The following GABRB1 variants were observed in gnomAD, a reference collection of about 807,000 sequenced individuals.
The protein encoded by GABRB1 is gamma-aminobutyric acid type A receptor subunit beta1.
Under a neutral mutation model 51.6 loss-of-function variants are expected in GABRB1, and 17 were observed. That is an observed-to-expected ratio of 0.33 (90% CI 0.23 to 0.49). GABRB1 has a LOEUF of 0.49. Among genes scored for constraint, GABRB1 ranks in the 20% least tolerant of loss-of-function variants. GABRB1 has a pLI of 0.99. For missense variants in GABRB1, 410 were observed against 600.6 expected (o/e 0.68, Z 3.32); for synonymous variants, 247 against 218.9 (o/e 1.13, Z -1.14).
rs551889443 is a variant in GABRB1 at position 47,393,402 on chromosome 4, G to A, written c.545-9916G>A. On this transcript the variant is annotated intron_variant, in intron 5 of 8. Coordinates refer to ENST00000295454, the MANE Select transcript of GABRB1 (RefSeq NM_000812.4). ...GCTTTTTTCGAGGCGTGTGTATAGTGGAGTTTATAAAAGTCAATTAGGAGC... is the reference window on the plus strand; with the variant it reads ...GCTTTTTTCGAGGCGTGTGTATAGTAGAGTTTATAAAAGTCAATTAGGAGC... Among the ~76,000 whole-genome samples, 7 of 152,234 alleles carry A rather than the reference G, an allele frequency of 4.6e-5. No individual in the cohort carries two copies. The South Asian group carries it at 1.0e-3, about 23-fold the overall frequency.
intron 3 of GABRB1, among the ~76,000 whole-genome samples, chr4:47,157,395 A>G (rs1265589303): frequency 6.6e-6 from 1 of 152,162 alleles, no homozygotes; most frequent in Non-Finnish European, 1.5e-5. Flanking sequence ...AGCAATTTAG[A>G]GGCTTTCTTT....
intron 3 of GABRB1, among the ~76,000 whole-genome samples, chr4:47,049,341 C>T (rs1268560730): frequency 6.6e-6 from 1 of 152,122 alleles, no homozygotes; most frequent in Non-Finnish European, 1.5e-5. Flanking sequence ...GGCCGTACGT[C>T]AACAACAGAA....
intron 5 of GABRB1, among the ~76,000 whole-genome samples, chr4:47,351,372 A>T (rs1035690952): frequency 3.3e-5 from 5 of 152,166 alleles, no homozygotes; most frequent in African/African-American, 1.2e-4. Flanking sequence ...CAAATTGTTC[A>T]TTCCATTGTT....
At chr4:47,118,486 C>A (rs776355861) in intron 3 of GABRB1, among the ~76,000 whole-genome samples, 3 of 152,024 alleles carry the variant, frequency 2.0e-5, no homozygotes, top group Non-Finnish European at 4.4e-5. Context: ...TGAATTGAAA[C>A]CCTTTCAAAA....
intron 4 of GABRB1, among the ~76,000 whole-genome samples, chr4:47,253,959 C>G (rs1396968269): frequency 1.3e-5 from 2 of 152,120 alleles, no homozygotes; most frequent in Non-Finnish European, 2.9e-5. Flanking sequence ...GATAACATCT[C>G]TTTATTGAGA....
intron 4 of GABRB1, among the ~76,000 whole-genome samples, chr4:47,269,526 G>A (rs1410339656): frequency 6.6e-6 from 1 of 152,068 alleles, no homozygotes; most frequent in Non-Finnish European, 1.5e-5. Context: ...TGTGGGGGAG[G>A]GGGTAGGTTT....
At chr4:47,148,351 C>T (rs1161057743) in intron 3 of GABRB1, among the ~76,000 whole-genome samples, 1 of 151,972 alleles carries the variant, frequency 6.6e-6, no homozygotes, top group African/African-American at 2.4e-5. Context: ...GGTGCTGGGT[C>T]ATAGAAGTAA....
intron 5 of GABRB1, among the ~76,000 whole-genome samples, chr4:47,390,988 C>A (rs1221111770): frequency 6.6e-6 from 1 of 151,982 alleles, no homozygotes; most frequent in Non-Finnish European, 1.5e-5. Context: ...CCAGCCTGGC[C>A]AACATGGTGA....
intron 7 of GABRB1, among the ~76,000 whole-genome samples, chr4:47,404,966 T>C (rs1728520754): frequency 6.6e-6 from 1 of 152,210 alleles, no homozygotes; most frequent in Non-Finnish European, 1.5e-5. Flanking sequence ...TTTAAGCTAT[T>C]CTTTGGATGG....
At chr4:47,160,615 C>A (rs1717901400) in intron 3 of GABRB1, among the ~76,000 whole-genome samples, 2 of 152,002 alleles carry the variant, frequency 1.3e-5, no homozygotes, top group South Asian at 4.1e-4. Context: ...AACATAGATT[C>A]CTCTGTACAA....
At chr4:47,237,467 G>T (rs967845840) in intron 4 of GABRB1, among the ~76,000 whole-genome samples, 2 of 152,030 alleles carry the variant, frequency 1.3e-5, no homozygotes, top group African/African-American at 4.8e-5. Flanking sequence ...TATGGATAAG[G>T]TCTTTGAAAA....
intron 5 of GABRB1, among the ~76,000 whole-genome samples, chr4:47,382,832 T>C (rs1044315312): frequency 6.6e-6 from 1 of 152,148 alleles, no homozygotes; most frequent in Non-Finnish European, 1.5e-5. Context: ...ATAAACAAAA[T>C]TGGCAGCTAG....
chr4:47,014,284 A>G (rs1364240438), intron 1 of GABRB1, among the ~76,000 whole-genome samples: 1 of 152,108 alleles, frequency 6.6e-6, no homozygotes, highest in Non-Finnish European at 1.5e-5. Flanking sequence ...AAAATCTTCC[A>G]CTTTGCTTTC....
At chr4:47,406,632 G>C in intron 7 of GABRB1, 50 bp from the exon 8 acceptor site, 2 of 1,608,102 alleles carry the variant, frequency 1.2e-6, no homozygotes, top group Non-Finnish European at 1.7e-6. Flanking sequence ...TCTTGAAAAA[G>C]GAACTTAATA....
chr4:47,062,621 C>T (rs1287330565), intron 3 of GABRB1, among the ~76,000 whole-genome samples: 2 of 152,070 alleles, frequency 1.3e-5, no homozygotes, highest in African/African-American at 4.8e-5. Flanking sequence ...CTTTCCAATA[C>T]ATTCAAAAGA....
intron 3 of GABRB1, among the ~76,000 whole-genome samples, chr4:47,104,506 TTCTC>T (rs3050703): frequency 7.4e-4 from 110 of 148,478 alleles, no homozygotes; most frequent in East Asian, 2.6e-3. Context: ...TCCTGCTGTC[TTCTC>T]TCTCTCTCTC....
chr4:47,082,784 C>T (rs1327719247), intron 3 of GABRB1, among the ~76,000 whole-genome samples: 1 of 152,076 alleles, frequency 6.6e-6, no homozygotes, highest in Non-Finnish European at 1.5e-5. Flanking sequence ...ATAGATGCAT[C>T]TAATTTAGTA....
intron 3 of GABRB1, among the ~76,000 whole-genome samples, chr4:47,150,781 T>C (rs1382817335): frequency 1.3e-5 from 2 of 151,632 alleles, no homozygotes; most frequent in Non-Finnish European, 2.9e-5. Flanking sequence ...CAAAAATAAA[T>C]AAATGACTAA....
chr4:47,114,618 G>A (rs1346351053), intron 3 of GABRB1, among the ~76,000 whole-genome samples: 2 of 152,132 alleles, frequency 1.3e-5, no homozygotes, highest in African/African-American at 4.8e-5. Flanking sequence ...TTAGTTTGTA[G>A]CATTATGACC....
Sources: allele counts gnomAD v4.1 joint callset (sites outside exome capture counted in the v4.1 genomes callset), GRCh38; gene constraint gnomAD v4.1.1; transcripts MANE v1.5; gene names NCBI Gene and HGNC (gene_info 2026-07-23, HGNC 2026-07-21).